The following MAST1 variants were observed in gnomAD, a reference collection of about 807,000 sequenced individuals.
MAST1 encodes the protein microtubule associated serine/threonine kinase 1.
Under a neutral mutation model 124.6 loss-of-function variants are expected in MAST1, and 40 were observed. That is an observed-to-expected ratio of 0.32 (90% CI 0.25 to 0.42). MAST1 has a LOEUF of 0.42. Ranked by LOEUF, MAST1 falls within the 10% of genes least tolerant of loss-of-function variation. The pLI, the probability that MAST1 is intolerant of heterozygous loss-of-function variation, is 1.00. For missense variants in MAST1, 1,558 were observed against 2,181.9 expected (o/e 0.71, Z 5.70); for synonymous variants, 938 against 939.4 (o/e 1.00, Z 0.03).
intron 1 of MAST1, among the ~76,000 whole-genome samples, chr19:12,839,154 ACC>A (rs76230179): frequency 0.28 from 40,551 of 142,700 alleles, 6,305 homozygotes; most frequent in East Asian, 0.6. Context: ...TCATAACACA[ACC>A]CCCCCCCCCG....
intron 18 of MAST1, 77 bp from the exon 19 acceptor site, chr19:12,867,397 T>C: frequency 6.5e-7 from 1 of 1,542,262 alleles, no homozygotes; most frequent in Non-Finnish European, 8.9e-7. Context: ...TTGCGGGGGA[T>C]CCACTGCCAG....
intron 12 of MAST1, 24 bp downstream of exon 12, chr19:12,858,763 G>A (rs1396378749): frequency 1.2e-6 from 2 of 1,613,026 alleles, no homozygotes; most frequent in South Asian, 2.2e-5. Context: ...CGGGGCTGCA[G>A]GGAAGATGGG....
intron 12 of MAST1, among the ~76,000 whole-genome samples, chr19:12,859,183 G>A (rs1483054591): frequency 1.3e-5 from 2 of 152,010 alleles, no homozygotes; most frequent in Non-Finnish European, 1.5e-5. Flanking sequence ...AGGCTCAAGC[G>A]ATTCTTATGC....
chr19:12,873,243 C>T (rs1970260562), intron 24 of MAST1, 81 bp from the exon 25 acceptor site: 4 of 1,406,756 alleles, frequency 2.8e-6, no homozygotes, highest in Non-Finnish European at 3.9e-6. Context: ...GGGTGGTTAC[C>T]GTTGTGAGGC....
intron 20 of MAST1, 192 bp from the exon 21 acceptor site, chr19:12,868,451 T>C (rs1970190714): frequency 2.0e-6 from 1 of 510,278 alleles, no homozygotes; most frequent in Non-Finnish European, 3.4e-6. Context: ...AATACCATGG[T>C]CAGTCAGTGA....
At chr19:12,845,744 T>C (rs527776448) in intron 4 of MAST1, among the ~76,000 whole-genome samples, 19 of 146,778 alleles carry the variant, frequency 1.3e-4, no homozygotes, top group African/African-American at 3.8e-4. Context: ...GCAACCTCCA[T>C]CTCCTGGGTT....
chr19:12,868,309 A>G (rs915058147), intron 20 of MAST1, among the ~76,000 whole-genome samples: 3 of 151,478 alleles, frequency 2.0e-5, no homozygotes, highest in Non-Finnish European at 4.4e-5. Flanking sequence ...GGGTTTCTTC[A>G]TGTTGGCAAG....
intron 20 of MAST1, 126 bp downstream of exon 20, chr19:12,868,103 A>ATTTTTTTTTTTTTTTTCT (rs1970182383): frequency 3.4e-6 from 1 of 291,088 alleles, no homozygotes. Flanking sequence ...GCAATTTGGG[A>ATTTTTTTTTTTTTTTTCT]TTTTTTTTTT....
chr19:12,846,263 G>A (rs1444562061), intron 4 of MAST1, among the ~76,000 whole-genome samples: 1 of 151,832 alleles, frequency 6.6e-6, no homozygotes, highest in African/African-American at 2.4e-5. Context: ...ATGTTGCCCA[G>A]GCTGGTCTCA....
chr19:12,852,068 G>A (rs767227578), intron 8 of MAST1, 33 bp downstream of exon 8: 1 of 1,613,726 alleles, frequency 6.2e-7, no homozygotes, highest in South Asian at 1.1e-5. Flanking sequence ...GGGGTGGGTT[G>A]GTAGACCCTG....
Position 12,874,455 on chromosome 19 carries a change from T to A in MAST1, c.4298T>A (p.Leu1433Gln), listed in dbSNP as rs749629070. The A allele has an allele frequency of 1.3e-6, 2 of 1,593,746 alleles. No individual in the cohort carries two copies. Among genetic ancestry groups the A allele is most frequent in the Admixed American group, 1.7e-5 (1 of 59,126 alleles). Reference protein sequence around the residue: ...RSSSGEAGTPLVPIVVEPARP... With the variant: ...RSSSGEAGTPQVPIVVEPARP... Reference sequence around the variant, plus strand: ...AGCTCTGGCGAGGCGGGCACACCCCTGGTACCCATTGTCGTAGAGCCTGCG... The same window carrying A: ...AGCTCTGGCGAGGCGGGCACACCCCAGGTACCCATTGTCGTAGAGCCTGCG... Residue 1433 changes from leucine (L) to glutamine (Q), a missense_variant, in exon 26 of 26, where the codon CTG becomes CAG. Physicochemically the swap from Leu to Gln is moderately radical, Grantham distance 113. Coordinates refer to ENST00000251472, the MANE Select transcript of MAST1 (RefSeq NM_014975.3). This position sits in a 1 kb window ranked among gnomAD's most constrained non-coding sequence, Gnocchi z 6.6.
At position 12,869,054 on chromosome 19, in the gene MAST1, G is replaced by T. The variant is rs200704713; in HGVS notation, c.2774-12G>T. On this transcript the variant is annotated splice_polypyrimidine_tract_variant and intron_variant, in intron 21 of 25. Transcript: ENST00000251472. ...TTGGTTCTGATTTCTGACCATGGTT[G>T]TGTGTCTGTAGTGGACCCACATGGA... 2.4e-5 allele frequency: 38 copies of T among 1,612,296 alleles called. No homozygotes were observed. The Admixed American group carries it at 4.7e-4, about 20-fold the overall frequency.
rs371794967 is a variant in MAST1 at position 12,873,787 on chromosome 19, G to A, written c.3630G>A (p.Thr1210=). 2.2e-5 allele frequency: 35 copies of A among 1,597,886 alleles called. No homozygotes were observed. The African/African-American group carries it at 4.0e-4, about 18-fold the overall frequency. ...GNIPLSPLAH[T]PSPTQASPPP... Reference sequence around the variant, plus strand: ...TCCCTCTATCGCCGCTGGCACACACGCCGTCCCCCACGCAGGCGTCACCGC... The same window carrying A: ...TCCCTCTATCGCCGCTGGCACACACACCGTCCCCCACGCAGGCGTCACCGC... Residue 1210 remains threonine, a synonymous_variant, in exon 26 of 26, where the codon ACG becomes ACA. Transcript: ENST00000251472.
At chr19:12,870,034 A>G (rs1487625500) in intron 22 of MAST1, among the ~76,000 whole-genome samples, 3 of 148,942 alleles carry the variant, frequency 2.0e-5, no homozygotes, top group Non-Finnish European at 4.5e-5. Context: ...ACAAAAAATT[A>G]GCTGGGCATG....
In MAST1 at chr19:12,847,895, C is replaced by T. The variant is rs368343982; in HGVS notation, c.612C>T (p.Tyr204=). The T allele has an allele frequency of 6.2e-7, 1 of 1,613,702 alleles. No homozygotes were observed. Among genetic ancestry groups the T allele is most frequent in the African/African-American group, 1.3e-5 (1 of 75,068 alleles). ...EEKLRDFTRA[Y]EPDSVLPLAD... Reference sequence around the variant, plus strand: ...AGCTGCGCGACTTTACCCGCGCCTACGAACCCGACAGCGTTCTGCCTCTGG... The same window carrying T: ...AGCTGCGCGACTTTACCCGCGCCTATGAACCCGACAGCGTTCTGCCTCTGG... The change falls in exon 7 of 26, where the codon TAC becomes TAT. Residue 204 remains tyrosine (Y), a synonymous_variant. Coordinates refer to ENST00000251472, the MANE Select transcript of MAST1 (RefSeq NM_014975.3). This position sits in a 1 kb window ranked among gnomAD's most constrained non-coding sequence, Gnocchi z 5.5.
At chr19:12,863,924 C>CT (rs3064382) in intron 12 of MAST1, among the ~76,000 whole-genome samples, 32,413 of 132,022 alleles carry the variant, frequency 0.25, 4,428 homozygotes, top group East Asian at 0.41. Flanking sequence ...CTACAAAAAA[C>CT]TTTTTTTTTT....
At chr19:12,868,103 A>ATTTTTTTTTTTGTTTTTTTT (rs1970182203) in intron 20 of MAST1, 126 bp downstream of exon 20, 1 of 291,088 alleles carries the variant, frequency 3.4e-6, no homozygotes, top group Admixed American at 9.1e-5. Flanking sequence ...GCAATTTGGG[A>ATTTTTTTTTTTGTTTTTTTT]TTTTTTTTTT....
chr19:12,852,052 T>A lies in MAST1; in HGVS notation c.876+17T>A. 6.2e-7 allele frequency: 1 copy of A among 1,613,776 alleles called. No individual in the cohort carries two copies. The highest frequency in any genetic ancestry group is 8.5e-7 in the Non-Finnish European group (1 of 1,179,920). ...GAGTGCCTGGTGAGGGGGCTGGGCA[T>A]GGGTAGGGGTGGGTTGGTAGACCCT... On this transcript the variant is annotated intron_variant, in intron 8 of 25. Coordinates refer to ENST00000251472, the MANE Select transcript of MAST1 (RefSeq NM_014975.3).
intron 7 of MAST1, among the ~76,000 whole-genome samples, chr19:12,849,590 G>C (rs1969937123): frequency 6.6e-6 from 1 of 151,932 alleles, no homozygotes; most frequent in East Asian, 2.0e-4. Context: ...CTTGAATCCG[G>C]GAGGCAGTGG....
Sources: allele counts gnomAD v4.1 joint callset (sites outside exome capture counted in the v4.1 genomes callset), GRCh38; gene constraint gnomAD v4.1.1; non-coding constraint Gnocchi (gnomAD v3.1); transcripts MANE v1.5; gene names NCBI Gene and HGNC (gene_info 2026-07-23, HGNC 2026-07-21).